The following ROBO2 variants were observed in gnomAD, a reference collection of about 807,000 sequenced individuals.
ROBO2 encodes roundabout homolog 2.
A neutral mutation model predicts 160.8 loss-of-function variants in ROBO2; 53 were observed. That is an observed-to-expected ratio of 0.33 (90% CI 0.26 to 0.41). The LOEUF is 0.41. Ranked by LOEUF, ROBO2 falls within the 10% of genes least tolerant of loss-of-function variation. The pLI, the probability that ROBO2 is intolerant of heterozygous loss-of-function variation, is 1.00. For missense variants in ROBO2, 1,577 were observed against 1,722.4 expected (o/e 0.92, Z 1.49); for synonymous variants, 664 against 611.7 (o/e 1.09, Z -1.26).
At position 77,563,231 on chromosome 3, in the gene ROBO2, G is replaced by T. The variant is rs779025170; in HGVS notation, c.1584G>T (p.Pro528=). The change falls in exon 11 of 26, where the codon CCG becomes CCT. Residue 528 remains proline (P), a synonymous_variant. Coordinates refer to ENST00000461745, the Ensembl canonical transcript of ROBO2. The stretch of plus-strand genomic sequence containing the variant: ...ACCTGCCAGGGCCACCATCCAAACC[G>T]CAGGTCACTGATGTTACTAAGAACA... 5 of 1,613,556 alleles carry T rather than the reference G, an allele frequency of 3.1e-6. No homozygotes were observed. The South Asian group carries it at 3.3e-5, about 11-fold the overall frequency.
intron 2 of ROBO2, among the ~76,000 whole-genome samples, chr3:77,301,774 G>A (rs1020051469): frequency 1.3e-5 from 2 of 152,004 alleles, no homozygotes; most frequent in East Asian, 3.8e-4. Context: ...CTAAATTCAC[G>A]GTGTAGTGGT....
At chr3:76,040,157 A>C (rs1000016801) in intron 2 of ROBO2, among the ~76,000 whole-genome samples, 1 of 151,908 alleles carries the variant, frequency 6.6e-6, no homozygotes, top group Non-Finnish European at 1.5e-5. Context: ...AAAATGGGAA[A>C]TTTTAGCAAT....
intron 1 of ROBO2, among the ~76,000 whole-genome samples, chr3:75,932,425 A>G (rs1292210140): frequency 1.3e-5 from 2 of 152,196 alleles, no homozygotes; most frequent in Non-Finnish European, 2.9e-5. Context: ...AGTAAGTACA[A>G]TTTTATAAAC....
chr3:76,348,813 G>A (rs978223979), intron 2 of ROBO2, among the ~76,000 whole-genome samples: 1 of 152,116 alleles, frequency 6.6e-6, no homozygotes, highest in Non-Finnish European at 1.5e-5. Flanking sequence ...TGCCCTGAAG[G>A]ATGGACAGTG....
intron 2 of ROBO2, among the ~76,000 whole-genome samples, chr3:77,165,798 C>T (rs1375110630): frequency 6.6e-6 from 1 of 152,100 alleles, no homozygotes; most frequent in Non-Finnish European, 1.5e-5. Flanking sequence ...CCTCTCATGC[C>T]GTATCTCAAT....
chr3:77,481,652 T>A (rs1278963686), intron 4 of ROBO2, among the ~76,000 whole-genome samples: 1 of 152,148 alleles, frequency 6.6e-6, no homozygotes, highest in Non-Finnish European at 1.5e-5. Flanking sequence ...CTGAAGTATT[T>A]ATAATTTCAA....
intron 2 of ROBO2, among the ~76,000 whole-genome samples, chr3:76,528,796 A>T (rs2082077694): frequency 6.6e-6 from 1 of 152,118 alleles, no homozygotes; most frequent in Non-Finnish European, 1.5e-5. Context: ...AGCCTAGGGC[A>T]TTTCTACTTT....
intron 2 of ROBO2, among the ~76,000 whole-genome samples, chr3:76,692,219 C>A (rs79258237): frequency 6.6e-6 from 1 of 152,282 alleles, no homozygotes; most frequent in Non-Finnish European, 1.5e-5. Context: ...TGAGGTCACT[C>A]AGAATGCTGC....
At chr3:76,435,671 C>A (rs747117319) in intron 2 of ROBO2, among the ~76,000 whole-genome samples, 2 of 152,088 alleles carry the variant, frequency 1.3e-5, no homozygotes, top group African/African-American at 2.4e-5. Context: ...TGCCGCCAGT[C>A]CATTCTTATG....
chr3:76,166,574 C>G (rs2072848133), intron 2 of ROBO2, among the ~76,000 whole-genome samples: 1 of 152,116 alleles, frequency 6.6e-6, no homozygotes. Flanking sequence ...AACTATCCAG[C>G]TACCTAACTC....
At chr3:77,349,528 GA>G (rs1158507135) in intron 2 of ROBO2, among the ~76,000 whole-genome samples, 75 of 152,248 alleles carry the variant, frequency 4.9e-4, no homozygotes, top group African/African-American at 1.6e-3. Context: ...TAAAGAGCTA[GA>G]AATGCTTTTA....
chr3:76,913,521 C>T (rs1366636647), intron 2 of ROBO2, among the ~76,000 whole-genome samples: 4 of 152,086 alleles, frequency 2.6e-5, no homozygotes, highest in South Asian at 4.1e-4. Context: ...ACAATAAAAT[C>T]GAGAAAGCTG....
intron 2 of ROBO2, among the ~76,000 whole-genome samples, chr3:77,476,599 C>T (rs920051667): frequency 6.6e-6 from 1 of 152,018 alleles, no homozygotes; most frequent in Admixed American, 6.6e-5. Flanking sequence ...AAATGCAGTC[C>T]GATAGGGCTG....
At chr3:76,421,245 C>A (rs2075982941) in intron 2 of ROBO2, among the ~76,000 whole-genome samples, 1 of 152,108 alleles carries the variant, frequency 6.6e-6, no homozygotes, top group African/African-American at 2.4e-5. Context: ...GATTCAACAA[C>A]CAGCAATATT....
intron 6 of ROBO2, among the ~76,000 whole-genome samples, chr3:77,536,102 G>C (rs1490095292): frequency 6.6e-6 from 1 of 152,118 alleles, no homozygotes; most frequent in African/African-American, 2.4e-5. Flanking sequence ...CAATCCCTCA[G>C]TTTAATTTCT....
At chr3:76,441,318 A>G (rs2076917407) in intron 2 of ROBO2, among the ~76,000 whole-genome samples, 1 of 152,210 alleles carries the variant, frequency 6.6e-6, no homozygotes, top group African/African-American at 2.4e-5. Flanking sequence ...TATGAATAAT[A>G]TATGTCAGTA....
At chr3:76,185,211 T>TAG (rs1559621650) in intron 2 of ROBO2, among the ~76,000 whole-genome samples, 6 of 107,876 alleles carry the variant, frequency 5.6e-5, no homozygotes, top group South Asian at 6.5e-4. Flanking sequence ...TATATATATA[T>TAG]ATATACACAC....
intron 2 of ROBO2, among the ~76,000 whole-genome samples, chr3:76,354,020 G>C (rs915393196): frequency 6.6e-6 from 1 of 151,870 alleles, no homozygotes; most frequent in Non-Finnish European, 1.5e-5. Context: ...AGCAACATTA[G>C]ATGTCTGACA....
At chr3:76,115,128 C>G (rs1466094359) in intron 2 of ROBO2, among the ~76,000 whole-genome samples, 1 of 151,994 alleles carries the variant, frequency 6.6e-6, no homozygotes, top group Non-Finnish European at 1.5e-5. Flanking sequence ...CTGTAAGATC[C>G]AAAGGAAAAG....
Sources: gnomAD v4.1 joint callset for allele counts (sites outside exome capture counted in the v4.1 genomes callset) on GRCh38, gnomAD v4.1.1 for gene constraint, MANE v1.5 for transcripts, NCBI Gene and HGNC (gene_info 2026-07-23, HGNC 2026-07-21) for gene names.